The following TNIP2 variants were observed in gnomAD, a reference collection of about 807,000 sequenced individuals.
TNIP2 encodes the protein TNFAIP3 interacting protein 2, also known as TNFAIP3-interacting protein 2.
TNIP2 carries 30 observed loss-of-function variants against 43.7 expected under a neutral mutation model. The observed-to-expected ratio is 0.69, with a 90% CI of 0.51 to 0.93. TNIP2 has a LOEUF of 0.93. Ranked by LOEUF, TNIP2 falls within the 40% of genes least tolerant of loss-of-function variation. The probability of loss-of-function intolerance (pLI) is 0.00; values close to 1 mark genes in which losing one functional copy is unlikely to be tolerated. For missense variants in TNIP2, 599 were observed against 591.0 expected, an observed-to-expected ratio of 1.01 and a Z score of -0.14; for synonymous variants, 260 against 254.6, an observed-to-expected ratio of 1.02 and a Z score of -0.20.
At chr4:2,745,041 T>C (rs1721908607) in intron 3 of TNIP2, 96 bp from the exon 4 acceptor site, 1 of 1,450,956 alleles carries the variant, frequency 6.9e-7, no homozygotes, top group Non-Finnish European at 9.2e-7. Flanking sequence ...AGTGATTCGC[T>C]GAGTGAGAGT....
chr4:2,742,154 G>C lies in TNIP2; in HGVS notation c.*103C>G. On this transcript the variant is annotated 3_prime_UTR_variant, in exon 6 of 6. Coordinates refer to ENST00000315423, the MANE Select transcript of TNIP2 (RefSeq NM_024309.4). Reference sequence around the variant, plus strand: ...GCCCCGCAACTATTCTAGGGGCCTTGGCTCTCAGTAGAGCTCAACCCATGG... The same window carrying C: ...GCCCCGCAACTATTCTAGGGGCCTTCGCTCTCAGTAGAGCTCAACCCATGG... 3.4e-6 allele frequency: 4 copies of C among 1,171,678 alleles called. No individual in the cohort carries two copies. Among genetic ancestry groups the C allele is most frequent in the Non-Finnish European group, 4.5e-6 (4 of 894,322 alleles). The allele number at this position is 1,171,678 out of a possible 1,614,324, so 72.6% of individuals were successfully genotyped here.
chr4:2,756,303 C>CCCGGGAGG lies in TNIP2; in HGVS notation c.-22_-15dup. ...GTCCCGGGACATGGCTGTAGGCCCG[C>CCCGGGAGG]CCGGGAGGCCGCGCGGCCGCCGGCA... On this transcript the variant is annotated 5_prime_UTR_variant, in exon 1 of 6. Coordinates refer to ENST00000315423, the MANE Select transcript of TNIP2 (RefSeq NM_024309.4). 8.2e-7 allele frequency: 1 copy of CCCGGGAGG among 1,223,706 alleles called. No individual in the cohort carries two copies. Among genetic ancestry groups the CCCGGGAGG allele is most frequent in the Non-Finnish European group, 1.0e-6 (1 of 983,536 alleles). The allele number at this position is 1,223,706 out of a possible 1,614,324, so 75.8% of individuals were successfully genotyped here.
rs1721876296 is a variant in TNIP2 at position 2,744,266 on chromosome 4, C to T, written c.1026+121G>A. The stretch of plus-strand genomic sequence containing the variant: ...GCTCTCCCCACAGCAGGGAGGGGCT[C>T]GCCACAACCCTCATCACCAGCAAAT... On this transcript the variant is annotated intron_variant, in intron 5 of 5. Coordinates refer to ENST00000315423, the MANE Select transcript of TNIP2 (RefSeq NM_024309.4). The surrounding 1 kb of genome is among the most constrained non-coding windows in gnomAD (Gnocchi z 5.1). The T allele has an allele frequency of 5.3e-6, 7 of 1,328,638 alleles. No homozygotes were observed. The Admixed American group carries it at 8.7e-5, about 17-fold the overall frequency. The allele number at this position is 1,328,638 out of a possible 1,614,324, so 82.3% of individuals were successfully genotyped here.
At position 2,750,781 on chromosome 4, in the gene TNIP2, C is replaced by T. The variant is rs79356553; in HGVS notation, c.277-2836G>A. Among the ~76,000 whole-genome samples the T allele has an allele frequency of 5.3e-3, 802 of 152,140 alleles. 7 individuals are homozygous for T. The highest frequency in any genetic ancestry group is 0.018 in the African/African-American group (762 of 41,508). ...CTCCTCCTGCCTCAGCAGGGGTCAC[C>T]GTGCCCAGGTAAAATCTGATTTCGG... On this transcript the variant is annotated intron_variant, in intron 1 of 5. Transcript: ENST00000315423.
At position 2,742,070 on chromosome 4, in the gene TNIP2, C is replaced by T; in HGVS notation, c.*187G>A. 1 of 479,698 alleles carries T rather than the reference C, an allele frequency of 2.1e-6. No individual in the cohort carries two copies. 29.7% of individuals were successfully genotyped at this position (479,698 alleles called of 1,614,324 possible). A position where few individuals can be genotyped will look rare whatever the true frequency, so the allele number is the denominator to read the frequency against. ...CACCTCCAGCCTCCAGCCTCACTGG[C>T]AGTTCCCTGTGACCCAGCCTGTTCC... On this transcript the variant is annotated 3_prime_UTR_variant, in exon 6 of 6. Coordinates refer to ENST00000315423, the MANE Select transcript of TNIP2 (RefSeq NM_024309.4).
At position 2,756,072 on chromosome 4, in the gene TNIP2, C is replaced by A; in HGVS notation, c.218G>T (p.Arg73Leu). ...CTGCCTTCGCAGCTGCTCCCGGAAG[C>A]GCGCAACCTGCTCCAGCAGCGCGTC... is the stretch of plus-strand genomic sequence containing the variant. ...LVDALLEQVA[R>L]FREQLRRQEG... The change falls in exon 1 of 6, where the codon CGC becomes CTC. Residue 73 changes from arginine (R) to leucine (L), a missense_variant. Coordinates refer to ENST00000315423, the MANE Select transcript of TNIP2 (RefSeq NM_024309.4). 1 of 1,539,316 alleles carries A rather than the reference C, an allele frequency of 6.5e-7. No individual in the cohort carries two copies. The highest frequency in any genetic ancestry group is 8.7e-7 in the Non-Finnish European group (1 of 1,155,122).
At chr4:2,752,450 C>T (rs1326863421) in intron 1 of TNIP2, among the ~76,000 whole-genome samples, 2 of 152,182 alleles carry the variant, frequency 1.3e-5, no homozygotes, top group Admixed American at 6.5e-5. Context: ...GATCTTGCCC[C>T]ATCACACACT....
intron 2 of TNIP2, 102 bp downstream of exon 2, chr4:2,747,553 G>T: frequency 8.2e-7 from 1 of 1,217,196 alleles, no homozygotes. Context: ...GAGAACAGAA[G>T]TGGGTTCTGG....
chr4:2,747,255 C>T (rs887132881), intron 2 of TNIP2, among the ~76,000 whole-genome samples: 1 of 152,248 alleles, frequency 6.6e-6, no homozygotes, highest in Non-Finnish European at 1.5e-5. Context: ...ACTGGAGGCA[C>T]TCCCCATCCC....
At chr4:2,755,043 C>T (rs2109497130) in intron 1 of TNIP2, among the ~76,000 whole-genome samples, 1 of 152,262 alleles carries the variant, frequency 6.6e-6, no homozygotes, top group African/African-American at 2.4e-5. Flanking sequence ...TGTCCTTTAT[C>T]AGACACGGGC....
rs1721790679 is a variant in TNIP2 at position 2,741,770 on chromosome 4, CAT to C, written c.*485_*486del. 6.5e-6 allele frequency: 1 copy of C among 155,020 alleles called. No homozygotes were observed. Among genetic ancestry groups the C allele is most frequent in the Middle Eastern group, 3.3e-3 (1 of 304 alleles). The allele number at this position is 155,020 out of a possible 1,614,324, so 9.6% of individuals were successfully genotyped here. On this transcript the variant is annotated 3_prime_UTR_variant, in exon 6 of 6. Transcript: ENST00000315423. ...CTGAAATGCAGTTTCTCAGTGCAGA[CAT>C]GTGGCTCGCAATGGCGGGGGTGGCC...
At position 2,747,867 on chromosome 4, in the gene TNIP2, G is replaced by A. The variant is rs766174029; in HGVS notation, c.355C>T (p.Arg119Ter). The A allele has an allele frequency of 3.7e-6, 6 of 1,613,708 alleles. No homozygotes were observed. Among genetic ancestry groups the A allele is most frequent in the Admixed American group, 1.7e-5 (1 of 60,018 alleles). Residue 119 changes from arginine to a stop codon, truncating the protein, a stop_gained, in exon 2 of 6, where the codon CGA becomes TGA. Transcript: ENST00000315423. LOFTEE classifies it high-confidence loss of function. The stretch of plus-strand genomic sequence containing the variant: ...CGTAGCAGGACGACTTCCTTCTCTC[G>A]CTCGTGTTGGGGCTGGCTCAGCAGC... ...QQLLSQPQHE[R>*]EKEVVLLRRS...
rs370267459 is a variant in TNIP2, at chr4:2,749,309, T to C, written c.277-1364A>G. ...TCAAAGTGGCAATTCCAAGCACTTT[T>C]TTGATGGGATAGGTAGAAACTCCAC... On this transcript the variant is annotated intron_variant, in intron 1 of 5. Transcript: ENST00000315423. Among the ~76,000 whole-genome samples, 117 of 152,274 alleles carry C rather than the reference T, an allele frequency of 7.7e-4. 1 individual carries two copies. The highest frequency in any genetic ancestry group is 2.7e-3 in the African/African-American group (114 of 41,556).
intron 1 of TNIP2, among the ~76,000 whole-genome samples, chr4:2,755,412 C>G (rs569590438): frequency 1.4e-5 from 2 of 142,364 alleles, no homozygotes; most frequent in Admixed American, 6.9e-5. Flanking sequence ...CTGCACCAAC[C>G]CCCCTCCTCA....
intron 2 of TNIP2, 82 bp downstream of exon 2, chr4:2,747,573 C>T (rs562536211): frequency 6.1e-6 from 9 of 1,467,118 alleles, no homozygotes; most frequent in South Asian, 2.5e-5. Context: ...GGGCGCCCCC[C>T]CACCTCTGTG....
Position 2,755,900 on chromosome 4 carries a change from C to T in TNIP2, c.276+114G>A, listed in dbSNP as rs1402842725. The stretch of plus-strand genomic sequence containing the variant: ...CCCGAGGCCAACTCAACCCCAGGAC[C>T]CAGTACCCCCTCAACCCCTCAGGAC... On this transcript the variant is annotated intron_variant, in intron 1 of 5. Transcript: ENST00000315423. 4.5e-6 allele frequency: 6 copies of T among 1,340,390 alleles called. No individual in the cohort carries two copies. The African/African-American group carries it at 7.7e-5, about 17-fold the overall frequency. The allele number at this position is 1,340,390 out of a possible 1,614,324, so 83.0% of individuals were successfully genotyped here. A position where few individuals can be genotyped will look rare whatever the true frequency, so the allele number is the denominator to read the frequency against.
intron 1 of TNIP2, among the ~76,000 whole-genome samples, chr4:2,752,227 G>A (rs1169853075): frequency 6.6e-6 from 1 of 152,134 alleles, no homozygotes; most frequent in African/African-American, 2.4e-5. Context: ...GGGCTGATAC[G>A]CCAGGACCAG....
At chr4:2,749,634 C>T (rs1722052514) in intron 1 of TNIP2, among the ~76,000 whole-genome samples, 1 of 152,258 alleles carries the variant, frequency 6.6e-6, no homozygotes, top group South Asian at 2.1e-4. Flanking sequence ...AAGGGTCCTT[C>T]CCTAGAACCT....
intron 1 of TNIP2, among the ~76,000 whole-genome samples, chr4:2,754,006 G>A (rs1282057205): frequency 6.6e-6 from 1 of 152,260 alleles, no homozygotes; most frequent in African/African-American, 2.4e-5. Context: ...AAGAAGGCAT[G>A]CCAAGAGATT....
Sources: gnomAD v4.1 joint callset for allele counts (sites outside exome capture counted in the v4.1 genomes callset) on GRCh38, gnomAD v4.1.1 for gene constraint, Gnocchi (gnomAD v3.1) non-coding constraint, MANE v1.5 for transcripts, NCBI Gene and HGNC (gene_info 2026-07-23, HGNC 2026-07-21) for gene names.